PIN4: variants seen among roughly 807,000 people sequenced by gnomAD.
PIN4 encodes the protein peptidylprolyl cis/trans isomerase, NIMA-interacting 4, also known as peptidyl-prolyl cis-trans isomerase NIMA-interacting 4.
Under a neutral mutation model 8.3 loss-of-function variants are expected in PIN4, and 3 were observed. The observed-to-expected ratio is 0.36, with a 90% CI of 0.16 to 0.93. The LOEUF is 0.93. PIN4 is among the 40% of genes least tolerant of loss of function. PIN4 has a pLI of 0.44. For synonymous variants in PIN4, 18 were observed against 32.5 expected (o/e 0.55, Z 1.52); for missense variants, 75 against 100.6 (o/e 0.75, Z 1.09).
At chrX:72,212,006 G>A (rs760797309) in intron 3 of PIN4, among the ~76,000 whole-genome samples, 2 of 111,237 alleles carry the variant, frequency 1.8e-5, no homozygotes, top group African/African-American at 6.5e-5. Context: ...TGGGCATGGT[G>A]GCTCATGCCT....
intron 3 of PIN4, among the ~76,000 whole-genome samples, chrX:72,213,955 A>G (rs1234722046): frequency 8.9e-6 from 1 of 112,497 alleles, no homozygotes; most frequent in African/African-American, 3.2e-5. Flanking sequence ...CTCCTGGAGT[A>G]TCTGCTCCCT....
At chrX:72,223,775 G>T (rs2042939455) in intron 3 of PIN4, among the ~76,000 whole-genome samples, 2 of 111,476 alleles carry the variant, frequency 1.8e-5, no homozygotes, top group Non-Finnish European at 1.9e-5. Context: ...TTACACAAAA[G>T]CCTCCAGACA....
intron 3 of PIN4, among the ~76,000 whole-genome samples, chrX:72,220,811 G>T (rs768409410): frequency 2.4e-4 from 27 of 111,956 alleles, no homozygotes; most frequent in African/African-American, 8.4e-4. Flanking sequence ...ACCCCTCTCA[G>T]GTTTTATCTA....
intron 3 of PIN4, among the ~76,000 whole-genome samples, chrX:72,257,087 G>A (rs763692060): frequency 3.3e-4 from 37 of 112,052 alleles, no homozygotes; most frequent in Non-Finnish European, 5.5e-4. Context: ...TTGGGAGGCC[G>A]AGGTGGGTGG....
intron 3 of PIN4, among the ~76,000 whole-genome samples, chrX:72,252,537 G>A (rs1002701727): frequency 6.3e-5 from 7 of 110,777 alleles, no homozygotes; most frequent in African/African-American, 1.3e-4. Flanking sequence ...TTACAGGCAC[G>A]CGCCACCACA....
chrX:72,234,204 T>C (rs768509332), intron 3 of PIN4, among the ~76,000 whole-genome samples: 12 of 112,065 alleles, frequency 1.1e-4, no homozygotes, highest in Non-Finnish European at 2.3e-4. Context: ...TCTTAGAAGA[T>C]ATGAGGAGGA....
chrX:72,256,229 A>G (rs2043110357), intron 3 of PIN4, among the ~76,000 whole-genome samples: 1 of 112,395 alleles, frequency 8.9e-6, no homozygotes, highest in African/African-American at 3.2e-5. Flanking sequence ...AAAAATAGCC[A>G]AAGTACTGTT....
At chrX:72,263,608 G>T (rs1304600738) in exon 4 of PIN4, 3 of 112,249 alleles carry the variant, frequency 2.7e-5, no homozygotes, top group Non-Finnish European at 1.9e-5. Flanking sequence ...TGATTCTACA[G>T]GCAGTGATTT....
chrX:72,243,693 G>T (rs1336152904), intron 3 of PIN4, among the ~76,000 whole-genome samples: 1 of 112,255 alleles, frequency 8.9e-6, no homozygotes, highest in Non-Finnish European at 1.9e-5. Flanking sequence ...ATGATAATGA[G>T]GCTTTGTGGG....
intron 3 of PIN4, among the ~76,000 whole-genome samples, chrX:72,230,274 G>C (rs1208711760): frequency 9.0e-6 from 1 of 110,737 alleles, no homozygotes; most frequent in Non-Finnish European, 1.9e-5. Context: ...CCCAACCAGA[G>C]ACATGCTAGC....
chrX:72,216,842 G>C (rs986465514), intron 3 of PIN4, among the ~76,000 whole-genome samples: 2 of 111,406 alleles, frequency 1.8e-5, no homozygotes, highest in Non-Finnish European at 3.8e-5. Context: ...AGGTACTAAA[G>C]GTCTATACCC....
At chrX:72,226,735 C>A (rs1203482290) in intron 3 of PIN4, among the ~76,000 whole-genome samples, 1 of 111,594 alleles carries the variant, frequency 9.0e-6, no homozygotes, top group African/African-American at 3.3e-5. Context: ...AAGCCTCATA[C>A]AACATATCCC....
At chrX:72,252,485 G>T (rs1024946567) in intron 3 of PIN4, among the ~76,000 whole-genome samples, 10 of 110,678 alleles carry the variant, frequency 9.0e-5, no homozygotes, top group African/African-American at 3.3e-4. Context: ...CTGGGTTGAA[G>T]CAATTCTCCT....
chrX:72,185,164 A>AAAAAAAAAAAAC (rs1569488089), intron 1 of PIN4, among the ~76,000 whole-genome samples: 1 of 104,529 alleles, frequency 9.6e-6, no homozygotes, highest in Non-Finnish European at 2.0e-5. Flanking sequence ...AAAAAAAAAA[A>AAAAAAAAAAAAC]AACAACTTTT....
chrX:72,201,862 C>G (rs1459647536), downstream of PIN4, among the ~76,000 whole-genome samples: 2 of 112,649 alleles, frequency 1.8e-5, no homozygotes, highest in Non-Finnish European at 1.9e-5. Context: ...AACGCACAAA[C>G]AAAGCAAGGA....
intron 3 of PIN4, among the ~76,000 whole-genome samples, chrX:72,243,041 C>T (rs749908951): frequency 1.6e-4 from 18 of 109,194 alleles, no homozygotes; most frequent in Non-Finnish European, 2.3e-4. Context: ...AAGGAAAAAG[C>T]TCTTCCTAGG....
At chrX:72,192,961 C>CT (rs1023135834) in intron 2 of PIN4, among the ~76,000 whole-genome samples, 47 of 111,121 alleles carry the variant, frequency 4.2e-4, no homozygotes, top group African/African-American at 1.5e-3. Context: ...TCCAAGGTTA[C>CT]TTTAGCTTTC....
At chrX:72,213,669 C>T (rs970275595) in intron 3 of PIN4, among the ~76,000 whole-genome samples, 1 of 112,208 alleles carries the variant, frequency 8.9e-6, no homozygotes, top group Admixed American at 9.4e-5. Flanking sequence ...GCTAAAGGCT[C>T]GCCATTGTTC....
chrX:72,195,542 T>C (rs897310146), intron 2 of PIN4, among the ~76,000 whole-genome samples: 19 of 110,566 alleles, frequency 1.7e-4, no homozygotes, highest in African/African-American at 5.3e-4. Context: ...CTTGGGAGGC[T>C]GAGGCAGGAG....
Sources: allele counts gnomAD v4.1 joint callset (sites outside exome capture counted in the v4.1 genomes callset), GRCh38; gene constraint gnomAD v4.1.1; transcripts MANE v1.5; gene names NCBI Gene and HGNC (gene_info 2026-07-23, HGNC 2026-07-21).